Variants in ZFPM2 observed in about 807,000 individuals in gnomAD.
The protein encoded by ZFPM2 is zinc finger protein ZFPM2.
In ZFPM2, 20 loss-of-function variants were observed where a neutral mutation model predicts 98.6. The ratio of observed to expected loss-of-function variants is 0.20; its 90% CI spans 0.14 to 0.29. The LOEUF (loss-of-function observed/expected upper bound fraction) is 0.29. Among genes scored for constraint, ZFPM2 ranks in the 10% least tolerant of loss-of-function variants. The pLI is 1.00. For synonymous variants in ZFPM2, 518 were observed against 502.7 expected (o/e 1.03, Z -0.41); for missense variants, 1,310 against 1,388.6 (o/e 0.94, Z 0.90).
chr8:105,665,133 T>C (rs1410935537), intron 5 of ZFPM2, among the ~76,000 whole-genome samples: 1 of 152,088 alleles, frequency 6.6e-6, no homozygotes, highest in Non-Finnish European at 1.5e-5. Context: ...TACCATATGG[T>C]GAGAGAGGAA....
chr8:105,621,830 G>A (rs1255519074), intron 4 of ZFPM2, among the ~76,000 whole-genome samples: 1 of 151,886 alleles, frequency 6.6e-6, no homozygotes, highest in Non-Finnish European at 1.5e-5. Flanking sequence ...CTTTAAAATT[G>A]TAAAACGATT....
chr8:105,731,263 T>G (rs1378894032), intron 5 of ZFPM2, among the ~76,000 whole-genome samples: 13 of 151,506 alleles, frequency 8.6e-5, no homozygotes, highest in Non-Finnish European at 3.0e-5. Flanking sequence ...CACTTCTCCT[T>G]TTTCCACTCC....
intron 3 of ZFPM2, among the ~76,000 whole-genome samples, chr8:105,459,531 A>C (rs966110294): frequency 6.6e-6 from 1 of 152,162 alleles, no homozygotes; most frequent in Non-Finnish European, 1.5e-5. Context: ...GACTGGGTGG[A>C]TTAAACAACA....
intron 3 of ZFPM2, among the ~76,000 whole-genome samples, chr8:105,452,732 A>C (rs1029100389): frequency 6.6e-6 from 1 of 152,138 alleles, no homozygotes; most frequent in African/African-American, 2.4e-5. Context: ...AGCCTGAGCA[A>C]CAGAATGAGA....
chr8:105,689,303 A>T (rs1810820523), intron 5 of ZFPM2, among the ~76,000 whole-genome samples: 1 of 152,220 alleles, frequency 6.6e-6, no homozygotes, highest in African/African-American at 2.4e-5. Context: ...TTGAAAAGGA[A>T]CTGAGACTTC....
intron 4 of ZFPM2, among the ~76,000 whole-genome samples, chr8:105,590,365 A>G (rs1815815480): frequency 6.6e-6 from 1 of 152,182 alleles, no homozygotes; most frequent in Non-Finnish European, 1.5e-5. Flanking sequence ...TAACCACAAT[A>G]TTCAGGGCCA....
intron 5 of ZFPM2, among the ~76,000 whole-genome samples, chr8:105,715,884 T>C (rs1586215955): frequency 6.6e-6 from 1 of 152,102 alleles, no homozygotes; most frequent in African/African-American, 2.4e-5. Context: ...AACTTGAAAT[T>C]TTCATATTCG....
chr8:105,397,668 T>G (rs150937322), intron 1 of ZFPM2, among the ~76,000 whole-genome samples: 194 of 152,268 alleles, frequency 1.3e-3, no homozygotes, highest in African/African-American at 4.4e-3. Flanking sequence ...TTCATAAGAG[T>G]AAAGATGTCG....
intron 1 of ZFPM2, among the ~76,000 whole-genome samples, chr8:105,358,252 T>C (rs1007123108): frequency 5.4e-5 from 8 of 149,532 alleles, no homozygotes; most frequent in Non-Finnish European, 1.0e-4. Flanking sequence ...GATCCCAAGA[T>C]TCATTTTTTT....
At chr8:105,594,269 T>C (rs987215696) in intron 4 of ZFPM2, among the ~76,000 whole-genome samples, 12 of 152,098 alleles carry the variant, frequency 7.9e-5, no homozygotes, top group Admixed American at 7.9e-4. Context: ...AACCGTGTTG[T>C]CCCAGTAGCT....
intron 4 of ZFPM2, among the ~76,000 whole-genome samples, chr8:105,574,797 G>C (rs553266850): frequency 5.3e-5 from 8 of 150,322 alleles, no homozygotes; most frequent in African/African-American, 2.0e-4. Flanking sequence ...TCTCGGATGC[G>C]GCATTACCAC....
Position 105,693,067 on chromosome 8 carries a change from C to T in ZFPM2, c.532+58710C>T, listed in dbSNP as rs530717693. On this transcript the variant is annotated intron_variant, in intron 5 of 7. Coordinates refer to ENST00000407775, the MANE Select transcript of ZFPM2 (RefSeq NM_012082.4). ...ACATGAGAAGAGCCTAAGCTACGGTCGCATGGTGCCCTTCTGTTGAGTTGG... is the reference window on the plus strand; with the variant it reads ...ACATGAGAAGAGCCTAAGCTACGGTTGCATGGTGCCCTTCTGTTGAGTTGG... Among the ~76,000 whole-genome samples the T allele has an allele frequency of 5.3e-5, 8 of 152,198 alleles. No individual in the cohort carries two copies. In the South Asian group the frequency reaches 8.3e-4, roughly 16 times the overall value.
chr8:105,349,486 T>C (rs1812602771), intron 1 of ZFPM2, among the ~76,000 whole-genome samples: 1 of 152,230 alleles, frequency 6.6e-6, no homozygotes, highest in African/African-American at 2.4e-5. Context: ...TTTGATTAAT[T>C]GAGCTTAACT....
At chr8:105,479,253 G>A (rs1288900667) in intron 3 of ZFPM2, among the ~76,000 whole-genome samples, 1 of 152,160 alleles carries the variant, frequency 6.6e-6, no homozygotes, top group Admixed American at 6.5e-5. Context: ...AACAAGACAT[G>A]AAGGTGTTTC....
intron 3 of ZFPM2, among the ~76,000 whole-genome samples, chr8:105,550,905 T>C (rs1308732868): frequency 6.6e-6 from 1 of 152,208 alleles, no homozygotes; most frequent in African/African-American, 2.4e-5. Context: ...GGGTAAATGC[T>C]TCTCATCAGT....
intron 3 of ZFPM2, among the ~76,000 whole-genome samples, chr8:105,494,132 C>T (rs1277750624): frequency 7.0e-6 from 1 of 142,940 alleles, no homozygotes; most frequent in Non-Finnish European, 1.5e-5. Flanking sequence ...GTCACTAGGT[C>T]AGTGACTTCC....
In ZFPM2 at chr8:105,622,414, C is replaced by A. The variant is rs1224536055; in HGVS notation, c.421-11832C>A. The stretch of plus-strand genomic sequence containing the variant: ...ACTGAGAATATTCTCCAAAATCTAC[C>A]TGATTAAGAAATTAAATATTTTAAT... On this transcript the variant is annotated intron_variant, in intron 4 of 7. Transcript: ENST00000407775. Among the ~76,000 whole-genome samples, 3 of 152,080 alleles carry A rather than the reference C, an allele frequency of 2.0e-5. No individual in the cohort carries two copies. The East Asian group carries it at 5.8e-4, about 29-fold the overall frequency.
chr8:105,704,498 G>A (rs758044370), intron 5 of ZFPM2, among the ~76,000 whole-genome samples: 11 of 152,042 alleles, frequency 7.2e-5, no homozygotes, highest in Non-Finnish European at 1.5e-4. Context: ...AACTACTTTC[G>A]CTCTTCCAAC....
intron 1 of ZFPM2, among the ~76,000 whole-genome samples, chr8:105,376,696 A>G (rs1810730384): frequency 6.6e-6 from 1 of 152,116 alleles, no homozygotes; most frequent in South Asian, 2.1e-4. Flanking sequence ...CTCATATCCA[A>G]TCTATTATAA....
Sources: allele counts gnomAD v4.1 joint callset (sites outside exome capture counted in the v4.1 genomes callset), GRCh38; gene constraint gnomAD v4.1.1; transcripts MANE v1.5; gene names NCBI Gene and HGNC (gene_info 2026-07-23, HGNC 2026-07-21).